The following MYOM2 variants were observed in gnomAD, a reference collection of about 807,000 sequenced individuals.
The protein encoded by MYOM2 is myomesin-2.
MYOM2 carries 254 observed loss-of-function variants against 187.6 expected under a neutral mutation model. The observed-to-expected ratio is 1.35, with a 90% confidence interval of 1.22 to 1.50. The LOEUF is 1.50. MYOM2 is among the 40% of genes most tolerant of loss of function. The pLI is 0.00. For missense variants in MYOM2, 2,796 were observed against 1,924.0 expected, an observed-to-expected ratio of 1.45 and a Z score of -8.48; for synonymous variants, 981 against 753.8, an observed-to-expected ratio of 1.30 and a Z score of -4.94.
At chr8:2,048,121 G>T (rs1450515691) in intron 1 of MYOM2, among the ~76,000 whole-genome samples, 1 of 152,178 alleles carries the variant, frequency 6.6e-6, no homozygotes, top group Non-Finnish European at 1.5e-5. Flanking sequence ...CACATCTGAG[G>T]TTTAACTCAA....
intron 28 of MYOM2, among the ~76,000 whole-genome samples, chr8:2,122,410 C>T (rs1402558757): frequency 1.3e-5 from 2 of 152,200 alleles, no homozygotes; most frequent in Non-Finnish European, 2.9e-5. Flanking sequence ...ACAGACGAAA[C>T]CCCTGCTTCA....
chr8:2,108,828 C>T lies in MYOM2; in HGVS notation c.3041C>T (p.Pro1014Leu). ...GCATTGAGCAATGAAATAAAGAACC[C>T]CAGTAAGTAAGCCTCCAGCCCTTCC... Reference protein sequence around the residue: ...LMALSNEIKNPTIPLKSELAY... With the variant: ...LMALSNEIKNLTIPLKSELAY... Residue 1014 changes from proline (P) to leucine (L), a missense_variant and splice_region_variant, in exon 24 of 37, where the codon CCC becomes CTC. Coordinates refer to ENST00000262113, the MANE Select transcript of MYOM2 (RefSeq NM_003970.4). The T allele has an allele frequency of 6.2e-7, 1 of 1,613,842 alleles. No homozygotes were observed. Among genetic ancestry groups the T allele is most frequent in the African/African-American group, 1.3e-5 (1 of 75,002 alleles).
At chr8:2,059,717 C>T (rs1356845250) in intron 6 of MYOM2, among the ~76,000 whole-genome samples, 2 of 148,534 alleles carry the variant, frequency 1.3e-5, no homozygotes, top group Admixed American at 6.7e-5. Context: ...GCTGGCATTT[C>T]TTTTTTCCTC....
Position 2,100,109 on chromosome 8 carries a change from T to TTTCCTTCCTTCCTTCCTTCC in MYOM2, c.2441-764_2441-763insCTTCCTTCCTTCCTTCCTTC, listed in dbSNP as rs1585905485. Among the ~76,000 whole-genome samples, 38 of 64,568 alleles carry TTTCCTTCCTTCCTTCCTTCC rather than the reference T, an allele frequency of 5.9e-4. 1 individual carries two copies. Among genetic ancestry groups the TTTCCTTCCTTCCTTCCTTCC allele is most frequent in the African/African-American group, 2.6e-3 (34 of 13,170 alleles). 42.4% of individuals were successfully genotyped at this position (64,568 alleles called of 152,430 possible). ...CTTTCCTTCCTTCCTTCCTTCCTTC[T>TTTCCTTCCTTCCTTCCTTCC]TTCTTTCCTTCCTTCCTTCTTTCCT... is the stretch of plus-strand genomic sequence containing the variant. On this transcript the variant is annotated intron_variant, in intron 19 of 36. Coordinates refer to ENST00000262113, the MANE Select transcript of MYOM2 (RefSeq NM_003970.4).
At chr8:2,086,431 CTG>C (rs1796064306) in intron 14 of MYOM2, among the ~76,000 whole-genome samples, 1 of 142,728 alleles carries the variant, frequency 7.0e-6, no homozygotes, top group Non-Finnish European at 1.5e-5. Flanking sequence ...GTTGTGATCT[CTG>C]CGTGGCCCCC....
chr8:2,057,403 G>A lies in MYOM2; in HGVS notation c.319G>A (p.Glu107Lys), dbSNP rs552708209. 50 of 1,613,964 alleles carry A rather than the reference G, an allele frequency of 3.1e-5. No homozygotes were observed. Among genetic ancestry groups the A allele is most frequent in the African/African-American group, 2.3e-4 (17 of 75,058 alleles). Reference sequence around the variant, plus strand: ...GGCCAAGCGACAGCGCTTCCTCAGCGAGCTGGCCCACTTGGAGGAGGATGT... The same window carrying A: ...GGCCAAGCGACAGCGCTTCCTCAGCAAGCTGGCCCACTTGGAGGAGGATGT... ...GEAKRQRFLS[E>K]LAHLEEDVHL... The change falls in exon 4 of 37, where the codon GAG (glutamate) becomes AAG (lysine). Residue 107 changes from glutamate (E) to lysine (K), a missense_variant. Physicochemically the swap from Glu to Lys is moderately conservative, Grantham distance 56. Coordinates refer to ENST00000262113, the MANE Select transcript of MYOM2 (RefSeq NM_003970.4).
chr8:2,076,160 AG>A lies in MYOM2; in HGVS notation c.1144del (p.Ala382ProfsTer20), dbSNP rs1481007144. On this transcript the variant is annotated frameshift_variant, in exon 11 of 37. Coordinates refer to ENST00000262113, the MANE Select transcript of MYOM2 (RefSeq NM_003970.4). LOFTEE classifies it high-confidence loss of function. ...CCCAAGATGCTGACCCGCTGGTCAC[AG>A]GGGCCCCCGGTGCACCCATGGACTT... Reference protein sequence around the residue: ...FVRDADPLVTGAPGAPMDLQC... With the variant: ...FVRDADPLVTXAPGAPMDLQC... 15 of 1,612,520 alleles carry A rather than the reference AG, an allele frequency of 9.3e-6. No individual in the cohort carries two copies. The highest frequency in any genetic ancestry group is 1.3e-5 in the African/African-American group (1 of 74,992).
chr8:2,145,086 G>A lies in MYOM2; in HGVS notation c.*105G>A, dbSNP rs1465837685. 1 of 1,228,422 alleles carries A rather than the reference G, an allele frequency of 8.1e-7. No homozygotes were observed. The highest frequency in any genetic ancestry group is 1.1e-6 in the Non-Finnish European group (1 of 873,156). The allele number at this position is 1,228,422 out of a possible 1,614,324, so 76.1% of individuals were successfully genotyped here. A position where few individuals can be genotyped will look rare whatever the true frequency, so the allele number is the denominator to read the frequency against. ...TGGCATCCGAGTGGTGTCCTGTGTG[G>A]GCTGATAGTTGATCACACATTGTGC... On this transcript the variant is annotated 3_prime_UTR_variant, in exon 37 of 37. Transcript: ENST00000262113.
Position 2,057,756 on chromosome 8 carries a change from G to A in MYOM2, c.536G>A (p.Gly179Glu). The A allele has an allele frequency of 6.2e-7, 1 of 1,614,122 alleles. No homozygotes were observed. Among genetic ancestry groups the A allele is most frequent in the East Asian group, 2.2e-5 (1 of 44,870 alleles). ...GTGAAACTCTGCTTCACCGTGCAAG[G>A]ATTTCCCACGCCCGTGGTGCAGTGG... ...MSVKLCFTVQ[G>E]FPTPVVQWYK... Residue 179 changes from glycine (G) to glutamate (E), a missense_variant, in exon 5 of 37, where the codon GGA (glycine) becomes GAA (glutamate). Transcript: ENST00000262113.
At chr8:2,049,885 C>T (rs148433108) in intron 1 of MYOM2, among the ~76,000 whole-genome samples, 2 of 152,316 alleles carry the variant, frequency 1.3e-5, no homozygotes, top group East Asian at 3.9e-4. Context: ...ACTCGCTCAT[C>T]TCCTGTTTGG....
chr8:2,107,968 G>C (rs1796948943), intron 23 of MYOM2, among the ~76,000 whole-genome samples: 1 of 152,206 alleles, frequency 6.6e-6, no homozygotes, highest in South Asian at 2.1e-4. Flanking sequence ...TGCAGTTGAA[G>C]ATTTAGTTCA....
At chr8:2,132,462 C>A (rs1217773457) in intron 32 of MYOM2, among the ~76,000 whole-genome samples, 2 of 152,154 alleles carry the variant, frequency 1.3e-5, no homozygotes, top group African/African-American at 2.4e-5. Flanking sequence ...AGATTTTGTT[C>A]TCTTACTGAA....
chr8:2,121,685 C>T (rs1797463721), intron 28 of MYOM2, among the ~76,000 whole-genome samples: 1 of 151,882 alleles, frequency 6.6e-6, no homozygotes, highest in Non-Finnish European at 1.5e-5. Context: ...AGGATGCAGT[C>T]ACATTGTAAC....
At chr8:2,107,564 A>G (rs1796935893) in intron 23 of MYOM2, among the ~76,000 whole-genome samples, 1 of 152,092 alleles carries the variant, frequency 6.6e-6, no homozygotes, top group African/African-American at 2.4e-5. Context: ...AGCCAGAATC[A>G]CACTCTCGGC....
intron 28 of MYOM2, among the ~76,000 whole-genome samples, chr8:2,120,444 C>T (rs1041740622): frequency 1.3e-5 from 2 of 150,718 alleles, no homozygotes; most frequent in Admixed American, 6.6e-5. Context: ...AGAGCAAGTG[C>T]GTGCCTGTGG....
chr8:2,109,590 G>C, intron 25 of MYOM2, 59 bp downstream of exon 25: 1 of 1,525,690 alleles, frequency 6.6e-7, no homozygotes, highest in Non-Finnish European at 8.9e-7. Flanking sequence ...GTTGTGGTAG[G>C]TCAGTTACTG....
intron 25 of MYOM2, among the ~76,000 whole-genome samples, chr8:2,110,921 C>G (rs1016214438): frequency 2.6e-5 from 4 of 152,188 alleles, no homozygotes; most frequent in African/African-American, 9.7e-5. Context: ...AAGACTCACT[C>G]CTACGTGGGA....
intron 3 of MYOM2, among the ~76,000 whole-genome samples, chr8:2,054,787 C>G (rs1260682947): frequency 6.6e-6 from 1 of 152,224 alleles, no homozygotes; most frequent in Admixed American, 6.5e-5. Flanking sequence ...GTGGGATTCA[C>G]TCCCCTGTAA....
intron 13 of MYOM2, among the ~76,000 whole-genome samples, chr8:2,084,322 A>G (rs565444572): frequency 2.8e-4 from 42 of 152,294 alleles, no homozygotes; most frequent in Non-Finnish European, 4.4e-4. Context: ...GCGCTGTGCA[A>G]CAGGGCTCAG....
Sources: allele counts gnomAD v4.1 joint callset (sites outside exome capture counted in the v4.1 genomes callset), GRCh38; gene constraint gnomAD v4.1.1; transcripts MANE v1.5; gene names NCBI Gene and HGNC (gene_info 2026-07-23, HGNC 2026-07-21).